The following TENM2 variants were observed in gnomAD, a reference collection of about 807,000 sequenced individuals.
TENM2 encodes teneurin transmembrane protein 2.
TENM2 carries 52 observed loss-of-function variants against 245.2 expected under a neutral mutation model. The ratio of observed to expected loss-of-function variants is 0.21; its 90% CI spans 0.17 to 0.27. TENM2 has a LOEUF of 0.27. TENM2 is among the 10% of genes least tolerant of loss of function. The pLI is 1.00. For synonymous variants in TENM2, 1,363 were observed against 1,438.9 expected (o/e 0.95, Z 1.19); for missense variants, 3,046 against 3,666.8 (o/e 0.83, Z 4.37).
chr5:167,502,738 C>T lies in TENM2; in HGVS notation c.502+127265C>T, dbSNP rs1284744315. Among the ~76,000 whole-genome samples, 4 of 152,178 alleles carry T rather than the reference C, an allele frequency of 2.6e-5. No homozygotes were observed. In the East Asian group the frequency reaches 5.8e-4, roughly 22 times the overall value. ...ATCACTGCAGCCCCTTTGGGATCTA[C>T]TGTTTTTACAAAGTGTGGTCCTGGG... On this transcript the variant is annotated intron_variant, in intron 2 of 28. Transcript: ENST00000518659.
chr5:167,405,095 G>A (rs1174492522), intron 2 of TENM2, among the ~76,000 whole-genome samples: 5 of 152,094 alleles, frequency 3.3e-5, no homozygotes, highest in Admixed American at 6.6e-5. Flanking sequence ...AAATTAATCC[G>A]TGCCACAGAA....
chr5:167,746,176 G>A (rs1761544866), intron 2 of TENM2, among the ~76,000 whole-genome samples: 1 of 152,126 alleles, frequency 6.6e-6, no homozygotes, highest in African/African-American at 2.4e-5. Context: ...ACTATGCCAA[G>A]CAGTCTCTAT....
intron 2 of TENM2, among the ~76,000 whole-genome samples, chr5:167,475,084 T>A (rs971791549): frequency 6.6e-6 from 1 of 152,204 alleles, no homozygotes; most frequent in Non-Finnish European, 1.5e-5. Context: ...CACAAATATA[T>A]GCAATATTTG....
At chr5:168,192,641 C>G (rs1413678138) in intron 14 of TENM2, among the ~76,000 whole-genome samples, 1 of 152,244 alleles carries the variant, frequency 6.6e-6, no homozygotes, top group African/African-American at 2.4e-5. Flanking sequence ...AAGAACCTCT[C>G]AAGAAAATAA....
At chr5:168,058,551 G>C (rs1335145705) in intron 6 of TENM2, among the ~76,000 whole-genome samples, 1 of 152,212 alleles carries the variant, frequency 6.6e-6, no homozygotes, top group Non-Finnish European at 1.5e-5. Context: ...AAGGAAAGTA[G>C]AACTTTAGTG....
chr5:167,643,031 T>C (rs1051729363), intron 2 of TENM2, among the ~76,000 whole-genome samples: 1 of 152,190 alleles, frequency 6.6e-6, no homozygotes, highest in African/African-American at 2.4e-5. Flanking sequence ...GCAGAAAGCT[T>C]CTCTCAAACA....
chr5:167,337,302 ACT>A (rs2127804145), intron 1 of TENM2, among the ~76,000 whole-genome samples: 1 of 152,246 alleles, frequency 6.6e-6, no homozygotes, highest in East Asian at 1.9e-4. Context: ...AAAAAATTAA[ACT>A]CTATCAACAT....
the TENM2 span, among the ~76,000 whole-genome samples, chr5:167,201,374 A>G: frequency 6.6e-6 from 1 of 152,248 alleles, no homozygotes; most frequent in Non-Finnish European, 1.5e-5. Context: ...TCCAACTTTA[A>G]TGACCTTCAT....
chr5:167,003,413 T>G, the TENM2 span, among the ~76,000 whole-genome samples: 10 of 152,330 alleles, frequency 6.6e-5, no homozygotes, highest in Non-Finnish European at 1.5e-4. Flanking sequence ...ATTATGCAAA[T>G]GATTTCTGCT....
chr5:168,115,684 TTTA>T (rs2152328142), intron 9 of TENM2, among the ~76,000 whole-genome samples: 1 of 152,314 alleles, frequency 6.6e-6, no homozygotes, highest in South Asian at 2.1e-4. Flanking sequence ...CTCGCTGTTT[TTTA>T]TTTCAGTGCA....
intron 6 of TENM2, among the ~76,000 whole-genome samples, chr5:168,061,421 T>C (rs1327417381): frequency 6.6e-6 from 1 of 152,172 alleles, no homozygotes; most frequent in Non-Finnish European, 1.5e-5. Flanking sequence ...ATTCCTATTA[T>C]TAAAGTTCTG....
At chr5:167,827,138 T>C (rs1768034506) in intron 2 of TENM2, among the ~76,000 whole-genome samples, 1 of 152,236 alleles carries the variant, frequency 6.6e-6, no homozygotes, top group African/African-American at 2.4e-5. Context: ...CCACTGCTGC[T>C]GTTTTAACCA....
intron 2 of TENM2, among the ~76,000 whole-genome samples, chr5:167,589,278 C>T (rs1485602550): frequency 1.3e-5 from 2 of 151,942 alleles, no homozygotes; most frequent in Non-Finnish European, 2.9e-5. Flanking sequence ...AGCCACACAA[C>T]CTTTCATGTG....
intron 8 of TENM2, among the ~76,000 whole-genome samples, chr5:168,091,139 C>T (rs1160123208): frequency 1.3e-5 from 2 of 152,020 alleles, no homozygotes; most frequent in African/African-American, 4.8e-5. Flanking sequence ...TTAAATAAAA[C>T]AAATATATAA....
At chr5:167,598,362 A>G (rs1776367949) in intron 2 of TENM2, among the ~76,000 whole-genome samples, 1 of 152,182 alleles carries the variant, frequency 6.6e-6, no homozygotes. Context: ...AGTCGGTGCC[A>G]ACATGAGGCT....
rs576107041 is a variant in TENM2 at position 167,734,927 on chromosome 5, G to A, written c.503-141059G>A. Among the ~76,000 whole-genome samples the A allele has an allele frequency of 3.9e-5, 6 of 152,212 alleles. 1 individual carries two copies. The South Asian group carries it at 1.2e-3, about 32-fold the overall frequency. ...CCTCCAAAACTGGTGAAAAACTGAT[G>A]GCATCAGGCTATCTTGCTGGAAATT... On this transcript the variant is annotated intron_variant, in intron 2 of 28. Coordinates refer to ENST00000518659, the Ensembl canonical transcript of TENM2.
At chr5:168,262,180 G>A (rs371841932) in exon 29 of TENM2, 35 of 1,612,050 alleles carry the variant, frequency 2.2e-5, no homozygotes, top group East Asian at 2.0e-4. Flanking sequence ...CCACCACCAC[G>A]CCCATCATTG....
At chr5:167,018,661 A>T in the TENM2 span, among the ~76,000 whole-genome samples, 1 of 152,212 alleles carries the variant, frequency 6.6e-6, no homozygotes, top group Non-Finnish European at 1.5e-5. Context: ...TAATCTCTGT[A>T]TCTTCATTCA....
intron 2 of TENM2, among the ~76,000 whole-genome samples, chr5:167,866,330 C>T (rs1428931371): frequency 1.3e-5 from 2 of 151,996 alleles, no homozygotes; most frequent in African/African-American, 4.8e-5. Context: ...GAAACTTCAT[C>T]TCTACTAAAA....
Sources: allele counts gnomAD v4.1 joint callset (sites outside exome capture counted in the v4.1 genomes callset), GRCh38; gene constraint gnomAD v4.1.1; transcripts MANE v1.5; gene names NCBI Gene and HGNC (gene_info 2026-07-23, HGNC 2026-07-21).